The following PTCH1 variants were observed in gnomAD, a reference collection of about 807,000 sequenced individuals.
PTCH1 encodes protein patched homolog 1.
Under a neutral mutation model 144.6 loss-of-function variants are expected in PTCH1, and 14 were observed. The ratio of observed to expected loss-of-function variants is 0.10; its 90% CI spans 0.06 to 0.15. PTCH1 has a LOEUF of 0.15. Among genes scored for constraint, PTCH1 ranks in the 10% least tolerant of loss-of-function variants. The probability of loss-of-function intolerance (pLI) is 1.00; values close to 1 mark genes in which losing one functional copy is unlikely to be tolerated. For synonymous variants in PTCH1, 833 were observed against 793.6 expected, an observed-to-expected ratio of 1.05 and a Z score of -0.83; for missense variants, 1,623 against 1,948.3, an observed-to-expected ratio of 0.83 and a Z score of 3.14.
intron 2 of PTCH1, among the ~76,000 whole-genome samples, chr9:95,498,827 G>C (rs1023603463): frequency 3.3e-5 from 5 of 152,196 alleles, no homozygotes; most frequent in African/African-American, 1.2e-4. Flanking sequence ...GCAGGCAGAA[G>C]TGCCCTCACC....
chr9:95,457,998 T>C lies in PTCH1; in HGVS notation c.3168+15A>G. 2.5e-6 allele frequency: 4 copies of C among 1,614,016 alleles called. No homozygotes were observed. Among genetic ancestry groups the C allele is most frequent in the Non-Finnish European group, 3.4e-6 (4 of 1,180,004 alleles). On this transcript the variant is annotated intron_variant, in intron 18 of 23. Transcript: ENST00000331920. Reference sequence around the variant, plus strand: ...AGGAATTTGACTTCCACAAAGCCCCTTATAATACACTCACAATGATCCCGG... The same window carrying C: ...AGGAATTTGACTTCCACAAAGCCCCCTATAATACACTCACAATGATCCCGG...
intron 18 of PTCH1, among the ~76,000 whole-genome samples, chr9:95,456,687 A>C (rs1163248956): frequency 6.6e-6 from 1 of 152,152 alleles, no homozygotes; most frequent in Non-Finnish European, 1.5e-5. Flanking sequence ...AAAGCAAAAA[A>C]CATACAGAAC....
At chr9:95,506,680 G>GC in intron 1 of PTCH1, 81 bp from the exon 2 acceptor site, 33 of 1,350,648 alleles carry the variant, frequency 2.4e-5, no homozygotes, top group East Asian at 3.0e-5. Flanking sequence ...GCACCCGCCC[G>GC]GTGAGCCCCC....
chr9:95,516,370 C>T (rs1257890046), intron 1 of PTCH1: 4 of 986,472 alleles, frequency 4.1e-6, no homozygotes, highest in African/African-American at 1.7e-5. Context: ...CTCCGTCCGC[C>T]GCGCGGGGCG....
In PTCH1 at chr9:95,481,872, A is replaced by C. The variant is rs552592765; in HGVS notation, c.746+77T>G. ...TTCTTGTTCAAAACTGAAATGGAACAAACAATGATAAGCAACATTAGAAAC... is the reference window on the plus strand; with the variant it reads ...TTCTTGTTCAAAACTGAAATGGAACCAACAATGATAAGCAACATTAGAAAC... On this transcript the variant is annotated intron_variant, in intron 5 of 23. Transcript: ENST00000331920. The C allele has an allele frequency of 2.0e-5, 27 of 1,320,840 alleles. No homozygotes were observed. The African/African-American group carries it at 3.5e-4, about 17-fold the overall frequency. 81.8% of individuals were successfully genotyped at this position (1,320,840 alleles called of 1,614,324 possible).
intron 8 of PTCH1, among the ~76,000 whole-genome samples, chr9:95,478,483 C>T (rs1444170920): frequency 6.6e-6 from 1 of 152,180 alleles, no homozygotes; most frequent in Non-Finnish European, 1.5e-5. Flanking sequence ...CTCGTCTCTT[C>T]TCCGTTAACT....
intron 22 of PTCH1, 77 bp from the exon 23 acceptor site, chr9:95,447,528 CTTGGG>C: frequency 7.0e-7 from 1 of 1,429,970 alleles, no homozygotes; most frequent in Admixed American, 2.3e-5. Context: ...CACTTCCCTC[CTTGGG>C]TTTCACCAAA....
At chr9:95,477,903 C>A in intron 9 of PTCH1, 152 bp downstream of exon 9, 1 of 1,467,468 alleles carries the variant, frequency 6.8e-7, no homozygotes, top group South Asian at 1.2e-5. Flanking sequence ...CTTTACACGA[C>A]CACTTTTAAA....
intron 13 of PTCH1, 115 bp from the exon 14 acceptor site, chr9:95,469,268 G>C (rs910591959): frequency 4.4e-6 from 6 of 1,361,478 alleles, no homozygotes; most frequent in Middle Eastern, 2.2e-4. Flanking sequence ...TCTGACTTAG[G>C]AGAGAAACAT....
chr9:95,446,620 G>A (rs1837917367), intron 23 of PTCH1: 1 of 533,726 alleles, frequency 1.9e-6, no homozygotes, highest in Admixed American at 3.0e-5. Flanking sequence ...CCTCCATAAA[G>A]ACTGGCAAAT....
intron 2 of PTCH1, among the ~76,000 whole-genome samples, chr9:95,503,692 A>T (rs1413293059): frequency 6.6e-6 from 1 of 152,218 alleles, no homozygotes; most frequent in Non-Finnish European, 1.5e-5. Flanking sequence ...AATCCTCATC[A>T]TAAAGACATT....
At position 95,449,963 on chromosome 9, in the gene PTCH1, G is replaced by A. The variant is rs770195522; in HGVS notation, c.3450-23C>T. ...TACCTGGGAGATCAAGAGGAAACGG[G>A]AACACGCGCTGTGACAGGGTGGATC... On this transcript the variant is annotated intron_variant, in intron 20 of 23. Coordinates refer to ENST00000331920, the MANE Select transcript of PTCH1 (RefSeq NM_000264.5). The surrounding 1 kb of genome is among the most constrained non-coding windows in gnomAD (Gnocchi z 5.3). 28 of 1,600,374 alleles carry A rather than the reference G, an allele frequency of 1.7e-5. No homozygotes were observed. The highest frequency in any genetic ancestry group is 2.1e-5 in the Non-Finnish European group (25 of 1,167,974).
chr9:95,499,896 G>A (rs60417486), intron 2 of PTCH1, among the ~76,000 whole-genome samples: 16,639 of 151,578 alleles, frequency 0.11, 1,072 homozygotes, highest in African/African-American at 0.18. Context: ...CCCTTTCTCC[G>A]CCCAATTGTG....
chr9:95,455,371 A>G (rs1564016007), intron 19 of PTCH1, among the ~76,000 whole-genome samples: 1 of 152,236 alleles, frequency 6.6e-6, no homozygotes, highest in Non-Finnish European at 1.5e-5. Context: ...GCAATGGCGG[A>G]AGTGATTTGG....
rs1057522533 is a variant in PTCH1 at position 95,508,326 on chromosome 9, G to A, written c.36C>T (p.Asp12=). 1.5e-6 allele frequency: 2 copies of A among 1,297,128 alleles called. No homozygotes were observed. Among genetic ancestry groups the A allele is most frequent in the Non-Finnish European group, 2.0e-6 (2 of 1,025,256 alleles). 80.4% of individuals were successfully genotyped at this position (1,297,128 alleles called of 1,614,324 possible). A position where few individuals can be genotyped will look rare whatever the true frequency, so the allele number is the denominator to read the frequency against. ...ASAGNAAEPQ[D]RGGGGSGCIG... ...TACAGCCGCTGCCGCCGCCGCCGCG[G>A]TCCTGGGGCTCGGCGGCGTTACCAG... The change falls in exon 1 of 24, where the codon GAC becomes GAT. Residue 12 remains aspartate, a synonymous_variant. Transcript: ENST00000331920.
intron 19 of PTCH1, among the ~76,000 whole-genome samples, 180 bp from the exon 20 acceptor site, chr9:95,453,800 A>G (rs905131584): frequency 1.3e-5 from 2 of 152,244 alleles, no homozygotes; most frequent in Non-Finnish European, 1.5e-5. Context: ...TGACCTCTTC[A>G]TGACACTGGG....
chr9:95,455,716 G>A (rs983100514), intron 19 of PTCH1, among the ~76,000 whole-genome samples: 3 of 152,216 alleles, frequency 2.0e-5, no homozygotes, highest in African/African-American at 4.8e-5. Flanking sequence ...GAGGCTGGGA[G>A]GTCTGAGGAA....
chr9:95,481,852 G>C (rs1265438608), intron 5 of PTCH1, 97 bp downstream of exon 5: 2 of 1,157,694 alleles, frequency 1.7e-6, no homozygotes, highest in South Asian at 1.3e-5. Flanking sequence ...TTTATTTCTT[G>C]TTCAAAACTG....
chr9:95,497,800 G>A (rs1376983512), intron 2 of PTCH1, among the ~76,000 whole-genome samples: 1 of 152,174 alleles, frequency 6.6e-6, no homozygotes, highest in Non-Finnish European at 1.5e-5. Flanking sequence ...ATTCCAATGT[G>A]TTTATCTGGG....
Sources: gnomAD v4.1 joint callset for allele counts (sites outside exome capture counted in the v4.1 genomes callset) on GRCh38, gnomAD v4.1.1 for gene constraint, Gnocchi (gnomAD v3.1) non-coding constraint, MANE v1.5 for transcripts, NCBI Gene and HGNC (gene_info 2026-07-23, HGNC 2026-07-21) for gene names.